Variants in GBF1 observed in about 807,000 individuals in gnomAD.
GBF1 encodes golgi brefeldin A resistant guanine nucleotide exchange factor 1.
Under a neutral mutation model 210.5 loss-of-function variants are expected in GBF1, and 114 were observed. The ratio of observed to expected loss-of-function variants is 0.54; its 90% CI spans 0.47 to 0.63. The LOEUF (loss-of-function observed/expected upper bound fraction) is 0.63. Among genes scored for constraint, GBF1 ranks in the 30% least tolerant of loss-of-function variants. The probability of loss-of-function intolerance (pLI) is 0.00; values close to 1 mark genes in which losing one functional copy is unlikely to be tolerated. For synonymous variants in GBF1, 850 were observed against 889.2 expected, an observed-to-expected ratio of 0.96 and a Z score of 0.78; for missense variants, 1,851 against 2,357.7, an observed-to-expected ratio of 0.79 and a Z score of 4.45.
intron 1 of GBF1, among the ~76,000 whole-genome samples, chr10:102,257,059 A>G (rs954151953): frequency 6.6e-6 from 1 of 152,088 alleles, no homozygotes; most frequent in African/African-American, 2.4e-5. Context: ...AAAAGACAAA[A>G]CGATTACAGA....
chr10:102,271,014 T>TTTTTA (rs1013028918), intron 3 of GBF1, among the ~76,000 whole-genome samples: 22 of 151,578 alleles, frequency 1.5e-4, no homozygotes, highest in African/African-American at 5.1e-4. Flanking sequence ...CCTAGCTAAT[T>TTTTTA]TTTTATTTTA....
chr10:102,238,419 G>A, the GBF1 span, among the ~76,000 whole-genome samples: 4 of 152,178 alleles, frequency 2.6e-5, no homozygotes, highest in South Asian at 2.1e-4. Flanking sequence ...GAGATATTTG[G>A]CCTGGTAGAC....
At chr10:102,241,919 G>A (rs148392138), upstream of GBF1, among the ~76,000 whole-genome samples, 2 of 152,306 alleles carry the variant, frequency 1.3e-5, no homozygotes, top group African/African-American at 4.8e-5. This position sits in a 1 kb window ranked among gnomAD's most constrained non-coding sequence, Gnocchi z 6.7. Context: ...CGGGGCCGCC[G>A]GGTCTCAGCG....
chr10:102,374,313 A>G (rs2135282741), intron 29 of GBF1, among the ~76,000 whole-genome samples: 1 of 151,874 alleles, frequency 6.6e-6, no homozygotes, highest in South Asian at 2.1e-4. Context: ...TCCTGCCTGC[A>G]CTCTAGCCTG....
chr10:102,246,717 C>T (rs1451587683), intron 1 of GBF1, among the ~76,000 whole-genome samples: 2 of 152,118 alleles, frequency 1.3e-5, no homozygotes, highest in African/African-American at 2.4e-5. Context: ...ACTGTGATGA[C>T]CTTTGATAAA....
At chr10:102,238,110 A>G in the GBF1 span, among the ~76,000 whole-genome samples, 3 of 152,182 alleles carry the variant, frequency 2.0e-5, no homozygotes, top group South Asian at 4.1e-4. Context: ...TTTGAAAGTT[A>G]TTCCTCTCTG....
intron 1 of GBF1, among the ~76,000 whole-genome samples, chr10:102,253,915 C>G (rs1200530431): frequency 6.6e-6 from 1 of 152,116 alleles, no homozygotes; most frequent in African/African-American, 2.4e-5. Flanking sequence ...AGCTAATAAT[C>G]TTTTCATATA....
chr10:102,358,144 C>T lies in GBF1; in HGVS notation c.745C>T (p.Leu249=). 6.2e-7 allele frequency: 1 copy of T among 1,613,688 alleles called. No homozygotes were observed. Among genetic ancestry groups the T allele is most frequent in the Non-Finnish European group, 8.5e-7 (1 of 1,179,538 alleles). The change falls in exon 9 of 40, where the codon CTG becomes TTG. Residue 249 remains leucine, a synonymous_variant. Coordinates refer to ENST00000369983, the MANE Select transcript of GBF1 (RefSeq NM_001377137.1). ...HMTKVTPGSE[L]PTPNGTTLSS... is the part of the protein sequence containing the mutation. ...GACCAAAGTCACACCAGGTTCAGAG[C>T]TGCCCACTCCCAATGGAACCACCTT...
upstream of GBF1, among the ~76,000 whole-genome samples, chr10:102,241,846 G>A (rs1356449999): frequency 1.3e-5 from 2 of 152,238 alleles, no homozygotes; most frequent in African/African-American, 4.8e-5. This position sits in a 1 kb window ranked among gnomAD's most constrained non-coding sequence, Gnocchi z 6.7. Context: ...GGATCGGCTG[G>A]CAGCGAAGTG....
chr10:102,295,519 T>G (rs922447640), intron 3 of GBF1, among the ~76,000 whole-genome samples: 4 of 152,142 alleles, frequency 2.6e-5, no homozygotes, highest in Non-Finnish European at 4.4e-5. Context: ...GATAATGATA[T>G]TAAGGTTAAA....
rs528910130 is a variant in GBF1 at position 102,328,106 on chromosome 10, C to T, written c.164-15945C>T. On this transcript the variant is annotated intron_variant, in intron 3 of 39. Transcript: ENST00000369983. ...TTATCCTAGCTCCATCTATTTTTGACGCTTTTGTTTTCCCCATCAGTAAAA... is the reference window on the plus strand; with the variant it reads ...TTATCCTAGCTCCATCTATTTTTGATGCTTTTGTTTTCCCCATCAGTAAAA... Among the ~76,000 whole-genome samples, 7 of 152,310 alleles carry T rather than the reference C, an allele frequency of 4.6e-5. No individual in the cohort carries two copies. The East Asian group carries it at 9.6e-4, about 21-fold the overall frequency.
upstream of GBF1, among the ~76,000 whole-genome samples, chr10:102,243,834 C>T (rs1156920443): frequency 1.3e-5 from 2 of 152,056 alleles, no homozygotes; most frequent in African/African-American, 2.4e-5. Flanking sequence ...GGGTGCTTTA[C>T]ACTAGAGCAT....
intron 3 of GBF1, among the ~76,000 whole-genome samples, chr10:102,273,038 G>A (rs187770950): frequency 1.3e-5 from 2 of 152,240 alleles, no homozygotes; most frequent in Admixed American, 1.3e-4. Context: ...AAAAAGAATA[G>A]AATAGAAATT....
chr10:102,358,219 CA>C, intron 9 of GBF1, 33 bp downstream of exon 9: 3 of 1,577,556 alleles, frequency 1.9e-6, no homozygotes, highest in Non-Finnish European at 2.6e-6. Flanking sequence ...TCTGATTAGA[CA>C]AAAGAAGAGC....
intron 3 of GBF1, among the ~76,000 whole-genome samples, chr10:102,269,939 C>T (rs1015351078): frequency 2.0e-5 from 3 of 150,874 alleles, no homozygotes; most frequent in Non-Finnish European, 2.9e-5. Flanking sequence ...AGTGCAGTGG[C>T]GCGATCTCAG....
At chr10:102,310,285 A>G (rs1253486400) in intron 3 of GBF1, among the ~76,000 whole-genome samples, 1 of 152,272 alleles carries the variant, frequency 6.6e-6, no homozygotes, top group Non-Finnish European at 1.5e-5. Context: ...TTATATTTTC[A>G]AACTAGCTTC....
At chr10:102,325,138 T>C (rs950822102) in intron 3 of GBF1, among the ~76,000 whole-genome samples, 2 of 152,092 alleles carry the variant, frequency 1.3e-5, no homozygotes, top group African/African-American at 4.8e-5. Flanking sequence ...CACTAAAGTT[T>C]GTTGCTTTTC....
intron 3 of GBF1, among the ~76,000 whole-genome samples, chr10:102,309,263 A>G (rs2078202721): frequency 2.0e-5 from 3 of 152,234 alleles, no homozygotes; most frequent in African/African-American, 4.8e-5. Flanking sequence ...ATGTCTCAGA[A>G]AAGTTATTAA....
At chr10:102,309,631 A>G (rs1351271930) in intron 3 of GBF1, among the ~76,000 whole-genome samples, 2 of 152,108 alleles carry the variant, frequency 1.3e-5, no homozygotes, top group Non-Finnish European at 2.9e-5. Context: ...ATTCTTGTGC[A>G]CTGTATTTGT....
Sources: allele counts gnomAD v4.1 joint callset (sites outside exome capture counted in the v4.1 genomes callset), GRCh38; gene constraint gnomAD v4.1.1; non-coding constraint Gnocchi (gnomAD v3.1); transcripts MANE v1.5; gene names NCBI Gene and HGNC (gene_info 2026-07-23, HGNC 2026-07-21).